The following DGKB variants were observed in gnomAD, a reference collection of about 807,000 sequenced individuals.
DGKB encodes diacylglycerol kinase beta.
In DGKB, 67 loss-of-function variants were observed where a neutral mutation model predicts 114.3. The ratio of observed to expected loss-of-function variants is 0.59; its 90% CI spans 0.48 to 0.72. DGKB has a LOEUF of 0.72. Among genes scored for constraint, DGKB ranks in the 30% least tolerant of loss-of-function variants. The pLI is 0.00. For missense variants in DGKB, 907 were observed against 975.2 expected (o/e 0.93, Z 0.93); for synonymous variants, 398 against 323.1 (o/e 1.23, Z -2.49).
At chr7:14,717,048 T>C (rs1013678424) in intron 6 of DGKB, among the ~76,000 whole-genome samples, 4 of 151,684 alleles carry the variant, frequency 2.6e-5, no homozygotes, top group Non-Finnish European at 5.9e-5. Flanking sequence ...GAAAAGTAAA[T>C]GGCAGGTCAG....
At chr7:14,458,065 A>C (rs1584092230) in intron 21 of DGKB, among the ~76,000 whole-genome samples, 1 of 152,288 alleles carries the variant, frequency 6.6e-6, no homozygotes, top group East Asian at 1.9e-4. Context: ...AAGAATCTTC[A>C]AGCCTTGATT....
intron 9 of DGKB, among the ~76,000 whole-genome samples, chr7:14,689,615 G>A (rs1822460016): frequency 6.6e-6 from 1 of 152,052 alleles, no homozygotes. Flanking sequence ...CATTCCTGAG[G>A]CTCAAATGCA....
intron 1 of DGKB, among the ~76,000 whole-genome samples, chr7:14,851,955 G>A (rs1183930726): frequency 6.6e-6 from 1 of 152,076 alleles, no homozygotes; most frequent in Non-Finnish European, 1.5e-5. Context: ...TTTCTCAGCT[G>A]AGCTACCAGG....
At chr7:14,958,524 A>C (rs957885272) in intron 1 of DGKB, among the ~76,000 whole-genome samples, 1 of 151,382 alleles carries the variant, frequency 6.6e-6, no homozygotes, top group African/African-American at 2.4e-5. Context: ...GAAGAAGCCT[A>C]AGCTTCGGGA....
chr7:14,913,934 G>A (rs538697905), intron 1 of DGKB, among the ~76,000 whole-genome samples: 5 of 152,124 alleles, frequency 3.3e-5, no homozygotes, highest in South Asian at 4.1e-4. Context: ...AATCACAGCC[G>A]AGATCAGCTT....
At chr7:14,659,386 T>C (rs1816559678) in intron 13 of DGKB, among the ~76,000 whole-genome samples, 1 of 152,028 alleles carries the variant, frequency 6.6e-6, no homozygotes, top group Non-Finnish European at 1.5e-5. Flanking sequence ...CTTCCATTTG[T>C]TTGTATCCTC....
chr7:14,500,159 A>T (rs1785923733), intron 20 of DGKB, among the ~76,000 whole-genome samples: 1 of 151,860 alleles, frequency 6.6e-6, no homozygotes, highest in Non-Finnish European at 1.5e-5. Flanking sequence ...TTTGCTGTAA[A>T]TCCATGCTAA....
chr7:14,865,711 G>A (rs1370460714), intron 1 of DGKB, among the ~76,000 whole-genome samples: 1 of 152,134 alleles, frequency 6.6e-6, no homozygotes, highest in African/African-American at 2.4e-5. Flanking sequence ...GTAATCCAGG[G>A]TGGAGTTGAA....
At chr7:14,500,156 T>C (rs1458858028) in intron 20 of DGKB, among the ~76,000 whole-genome samples, 1 of 151,894 alleles carries the variant, frequency 6.6e-6, no homozygotes, top group Admixed American at 6.6e-5. Flanking sequence ...TTATTTGCTG[T>C]AAATCCATGC....
chr7:14,737,041 T>C (rs1252947330), intron 4 of DGKB, among the ~76,000 whole-genome samples: 1 of 152,162 alleles, frequency 6.6e-6, no homozygotes, highest in Non-Finnish European at 1.5e-5. Context: ...AAGAAAATGG[T>C]ACTATTTTAA....
At chr7:14,649,181 G>C (rs1227199732) in intron 13 of DGKB, among the ~76,000 whole-genome samples, 1 of 143,616 alleles carries the variant, frequency 7.0e-6, no homozygotes, top group Non-Finnish European at 1.5e-5. Flanking sequence ...GCAACTGTAA[G>C]ACACATAATT....
At chr7:14,890,792 G>A (rs1228310470) in intron 1 of DGKB, among the ~76,000 whole-genome samples, 2 of 150,166 alleles carry the variant, frequency 1.3e-5, no homozygotes, top group East Asian at 2.0e-4. Context: ...GTCAGACACC[G>A]AAAATAACGT....
intron 23 of DGKB, among the ~76,000 whole-genome samples, chr7:14,267,380 T>A (rs1430337635): frequency 2.0e-5 from 3 of 152,146 alleles, no homozygotes; most frequent in African/African-American, 7.2e-5. Context: ...TGTGCTAAGA[T>A]GCCAAGTGAT....
chr7:14,269,013 A>G (rs1300620199), intron 23 of DGKB: 1 of 152,212 alleles, frequency 6.6e-6, no homozygotes, highest in Non-Finnish European at 1.5e-5. Flanking sequence ...CAGGTAAGCC[A>G]TCACCAAGAA....
chr7:14,620,341 T>A (rs527402393), intron 15 of DGKB, among the ~76,000 whole-genome samples: 55 of 151,436 alleles, frequency 3.6e-4, no homozygotes, highest in African/African-American at 1.3e-3. Flanking sequence ...TATCAATATT[T>A]AATAAATTAT....
At chr7:14,858,609 T>C (rs779232047) in intron 1 of DGKB, among the ~76,000 whole-genome samples, 2 of 151,972 alleles carry the variant, frequency 1.3e-5, no homozygotes, top group African/African-American at 4.8e-5. Context: ...CTGCAGAAGG[T>C]GGATTATCAT....
intron 23 of DGKB, among the ~76,000 whole-genome samples, chr7:14,316,729 T>C (rs1806615687): frequency 6.6e-6 from 1 of 150,642 alleles, no homozygotes; most frequent in African/African-American, 2.4e-5. Flanking sequence ...GTACCATTCC[T>C]TCTGAAACTA....
At position 14,361,486 on chromosome 7, in the gene DGKB, C is replaced by T. The variant is rs543468691; in HGVS notation, c.1836-16095G>A. 2.0e-5 allele frequency among the ~76,000 whole-genome samples: 3 copies of T among 151,998 alleles called. No individual in the cohort carries two copies. The South Asian group carries it at 6.2e-4, about 31-fold the overall frequency. Reference sequence around the variant, plus strand: ...TACATCTTGAGGGACTCAGATGACTCCCTGAAATATCATGATCTGTTTTTG... The same window carrying T: ...TACATCTTGAGGGACTCAGATGACTTCCTGAAATATCATGATCTGTTTTTG... On this transcript the variant is annotated intron_variant, in intron 21 of 25. Transcript: ENST00000402815.
intron 17 of DGKB, among the ~76,000 whole-genome samples, chr7:14,587,515 G>C (rs1343282607): frequency 6.6e-6 from 1 of 152,156 alleles, no homozygotes; most frequent in East Asian, 1.9e-4. Context: ...AGCAGGATTT[G>C]AGAAGACTGA....
Sources: allele counts gnomAD v4.1 joint callset (sites outside exome capture counted in the v4.1 genomes callset), GRCh38; gene constraint gnomAD v4.1.1; transcripts MANE v1.5; gene names NCBI Gene and HGNC (gene_info 2026-07-23, HGNC 2026-07-21).